Variants in LUC7L2 observed in about 807,000 individuals in gnomAD.
The protein encoded by LUC7L2 is putative RNA-binding protein Luc7-like 2.
Under a neutral mutation model 52.8 loss-of-function variants are expected in LUC7L2, and 25 were observed. The observed-to-expected ratio is 0.47, with a 90% CI of 0.34 to 0.66. The LOEUF (loss-of-function observed/expected upper bound fraction) is 0.66, where lower values mean the gene tolerates loss of function less well. LUC7L2 is among the 30% of genes least tolerant of loss of function. The pLI, the probability that LUC7L2 is intolerant of heterozygous loss-of-function variation, is 0.01. For synonymous variants in LUC7L2, 144 were observed against 160.9 expected, an observed-to-expected ratio of 0.89 and a Z score of 0.80; for missense variants, 328 against 497.8, an observed-to-expected ratio of 0.66 and a Z score of 3.25.
chr7:139,409,399 C>G (rs1386906798), intron 6 of LUC7L2, among the ~76,000 whole-genome samples, 164 bp from the exon 7 acceptor site: 2 of 151,332 alleles, frequency 1.3e-5, no homozygotes, highest in African/African-American at 4.9e-5. Flanking sequence ...GGAAAGAAGA[C>G]TTGTAGGCCT....
intron 2 of LUC7L2, among the ~76,000 whole-genome samples, chr7:139,383,424 T>A: frequency 6.6e-6 from 1 of 151,028 alleles, no homozygotes; most frequent in Non-Finnish European, 1.5e-5. Flanking sequence ...ATTTATTTAT[T>A]TTTTGAGATG....
In LUC7L2 at chr7:139,406,634, G is replaced by A. The variant is rs573049151; in HGVS notation, c.511-540G>A. Among the ~76,000 whole-genome samples, 6 of 152,266 alleles carry A rather than the reference G, an allele frequency of 3.9e-5. No individual in the cohort carries two copies. The South Asian group carries it at 1.0e-3, about 26-fold the overall frequency. ...CTCCCAAAGTGCTGGGATTACAGGCGTGAGCCACCCGGCCTGGCCTGTTTT... is the reference window on the plus strand; with the variant it reads ...CTCCCAAAGTGCTGGGATTACAGGCATGAGCCACCCGGCCTGGCCTGTTTT... On this transcript the variant is annotated intron_variant, in intron 5 of 9. Transcript: ENST00000354926.
Position 139,422,485 on chromosome 7 carries a change from C to T in LUC7L2, c.*145C>T. ...TGTACAGTATCTAACTTGATCTGAA[C>T]TGAACCTGTTTTCCTTGATGATGCC... is the stretch of plus-strand genomic sequence containing the variant. On this transcript the variant is annotated 3_prime_UTR_variant, in exon 10 of 10. Transcript: ENST00000354926. The T allele has an allele frequency of 7.4e-7, 1 of 1,355,414 alleles. No individual in the cohort carries two copies. The highest frequency in any genetic ancestry group is 9.5e-7 in the Non-Finnish European group (1 of 1,052,728). 84.0% of individuals were successfully genotyped at this position (1,355,414 alleles called of 1,614,324 possible).
rs539771697 is a variant in LUC7L2 at position 139,379,549 on chromosome 7, C to CTTTTTT, written c.156+3426_156+3431dup. Among the ~76,000 whole-genome samples, 8 of 52,722 alleles carry CTTTTTT rather than the reference C, an allele frequency of 1.5e-4. 2 individuals are homozygous for CTTTTTT. Among genetic ancestry groups the CTTTTTT allele is most frequent in the Admixed American group, 3.0e-4 (1 of 3,304 alleles). The allele number at this position is 52,722 out of a possible 152,430, so 34.6% of individuals were successfully genotyped here. A position where few individuals can be genotyped will look rare whatever the true frequency, so the allele number is the denominator to read the frequency against. On this transcript the variant is annotated intron_variant, in intron 2 of 9. Coordinates refer to ENST00000354926, the MANE Select transcript of LUC7L2 (RefSeq NM_016019.5). Reference sequence around the variant, plus strand: ...TTTCATTATTCTAGTATAACTAATGCTTTTTTTTTTTTTTTTTTTTTTTTT... The same window carrying CTTTTTT: ...TTTCATTATTCTAGTATAACTAATGCTTTTTTTTTTTTTTTTTTTTTTTTTTTTTTT...
chr7:139,413,378 C>A (rs943058834), intron 8 of LUC7L2, among the ~76,000 whole-genome samples: 5 of 152,140 alleles, frequency 3.3e-5, no homozygotes, highest in Non-Finnish European at 1.5e-5. Flanking sequence ...TCTACCATTC[C>A]TCTTGTTCAG....
At chr7:139,401,599 C>T (rs891556543) in intron 3 of LUC7L2, among the ~76,000 whole-genome samples, 1 of 151,452 alleles carries the variant, frequency 6.6e-6, no homozygotes, top group Non-Finnish European at 1.5e-5. Flanking sequence ...ATTACAGGCG[C>T]GCACTACCAT....
At position 139,396,930 on chromosome 7, in the gene LUC7L2, A is replaced by G. The variant is rs1208946201; in HGVS notation, c.157-1669A>G. On this transcript the variant is annotated intron_variant, in intron 2 of 9. Coordinates refer to ENST00000354926, the MANE Select transcript of LUC7L2 (RefSeq NM_016019.5). ...AGGACTTCATATTTATTTCTTTTAA[A>G]TTTTATCTGGTCTATTAATACTTTT... Among the ~76,000 whole-genome samples, 11 of 152,100 alleles carry G rather than the reference A, an allele frequency of 7.2e-5. No homozygotes were observed. In the East Asian group the frequency reaches 1.9e-3, roughly 27 times the overall value.
intron 1 of LUC7L2, chr7:139,341,252 G>A (rs1043577319): frequency 4.6e-5 from 66 of 1,424,086 alleles, no homozygotes; most frequent in Non-Finnish European, 5.4e-5. Context: ...ACAAGTGAGC[G>A]GTTCCACTGC....
At chr7:139,393,003 A>T (rs952203847) in intron 2 of LUC7L2, among the ~76,000 whole-genome samples, 3 of 149,888 alleles carry the variant, frequency 2.0e-5, no homozygotes, top group Non-Finnish European at 4.4e-5. Context: ...GTGGTGGCTC[A>T]CGCCTGTAAT....
chr7:139,395,401 C>T (rs117386656), intron 2 of LUC7L2, among the ~76,000 whole-genome samples: 1 of 152,230 alleles, frequency 6.6e-6, no homozygotes, highest in East Asian at 1.9e-4. Flanking sequence ...CTGAAAAACT[C>T]CTTAGCTTGT....
chr7:139,407,508 AT>A (rs747436261), intron 6 of LUC7L2, among the ~76,000 whole-genome samples, 158 bp downstream of exon 6: 8 of 152,208 alleles, frequency 5.3e-5, no homozygotes, highest in Non-Finnish European at 8.8e-5. Context: ...AGTTGGTTTA[AT>A]GGATGCTGCC....
chr7:139,362,720 G>T (rs1392186958), intron 1 of LUC7L2, among the ~76,000 whole-genome samples: 2 of 149,942 alleles, frequency 1.3e-5, no homozygotes, highest in Non-Finnish European at 2.9e-5. Context: ...CACTCTTAGT[G>T]TCCTGTCTGT....
intron 3 of LUC7L2, 48 bp downstream of exon 3, chr7:139,398,745 C>T (rs1204567878): frequency 6.4e-7 from 1 of 1,555,112 alleles, no homozygotes; most frequent in Admixed American, 1.8e-5. Flanking sequence ...TGCTGTAAAA[C>T]ATTGTGAATG....
chr7:139,341,644 C>T, intron 1 of LUC7L2: 1 of 1,471,834 alleles, frequency 6.8e-7, no homozygotes, highest in South Asian at 1.3e-5. Flanking sequence ...CCCACGGAGC[C>T]CTGGTTCTGA....
chr7:139,412,738 T>A, intron 8 of LUC7L2, 158 bp downstream of exon 8: 1 of 814,404 alleles, frequency 1.2e-6, no homozygotes, highest in Non-Finnish European at 1.8e-6. Flanking sequence ...TGAGGCAGAA[T>A]TGCTTGAAGC....
At chr7:139,369,607 T>C (rs528658674) in intron 1 of LUC7L2, among the ~76,000 whole-genome samples, 24 of 152,318 alleles carry the variant, frequency 1.6e-4, no homozygotes, top group African/African-American at 5.1e-4. Context: ...TCCTACAAGG[T>C]TTTTCTTCTA....
At chr7:139,359,386 C>CG (rs1799731498), upstream of LUC7L2, 1 of 160,502 alleles carries the variant, frequency 6.2e-6, no homozygotes, top group Admixed American at 6.5e-5. Context: ...TAAAGCCCCA[C>CG]GCAGCGGAAG....
At chr7:139,345,743 A>G (rs1380334516) in intron 1 of LUC7L2, 2 of 1,574,188 alleles carry the variant, frequency 1.3e-6, no homozygotes, top group Non-Finnish European at 1.7e-6. Context: ...TCATAGGAGA[A>G]TTGAATAATT....
chr7:139,380,207 G>C (rs1800928796), intron 2 of LUC7L2, among the ~76,000 whole-genome samples: 1 of 151,712 alleles, frequency 6.6e-6, no homozygotes, highest in Non-Finnish European at 1.5e-5. Flanking sequence ...AATCAGAGGA[G>C]GTAAAACAGA....
Sources: gnomAD v4.1 joint callset for allele counts (sites outside exome capture counted in the v4.1 genomes callset) on GRCh38, gnomAD v4.1.1 for gene constraint, MANE v1.5 for transcripts, NCBI Gene and HGNC (gene_info 2026-07-23, HGNC 2026-07-21) for gene names.